Variants in TRMT10B observed in about 807,000 individuals in gnomAD.
The protein encoded by TRMT10B is tRNA methyltransferase 10B, also known as tRNA methyltransferase 10 homolog B.
In TRMT10B, 33 loss-of-function variants were observed where a neutral mutation model predicts 43.8. The ratio of observed to expected loss-of-function variants is 0.75; its 90% CI spans 0.57 to 1.01. The LOEUF (loss-of-function observed/expected upper bound fraction) is 1.01. Ranked by LOEUF, TRMT10B falls within the 50% of genes least tolerant of loss-of-function variation. The pLI, the probability that TRMT10B is intolerant of heterozygous loss-of-function variation, is 0.00. For synonymous variants in TRMT10B, 137 were observed against 130.6 expected, an observed-to-expected ratio of 1.05 and a Z score of -0.34; for missense variants, 362 against 369.8, an observed-to-expected ratio of 0.98 and a Z score of 0.17.
At chr9:37,754,218 C>T (rs763792573) in intron 1 of TRMT10B, among the ~76,000 whole-genome samples, 2 of 152,180 alleles carry the variant, frequency 1.3e-5, no homozygotes, top group Non-Finnish European at 2.9e-5. Flanking sequence ...CATCTATAAG[C>T]AAACAACACT....
intron 1 of TRMT10B, among the ~76,000 whole-genome samples, chr9:37,755,425 A>C (rs1026043555): frequency 1.3e-5 from 2 of 150,780 alleles, no homozygotes; most frequent in African/African-American, 2.4e-5. Context: ...TCCTATGTCC[A>C]AAAAAAAATG....
chr9:37,768,060 T>G lies in TRMT10B; in HGVS notation c.421-16T>G. 1 of 1,613,040 alleles carries G rather than the reference T, an allele frequency of 6.2e-7. No individual in the cohort carries two copies. The highest frequency in any genetic ancestry group is 8.5e-7 in the Non-Finnish European group (1 of 1,179,400). The stretch of plus-strand genomic sequence containing the variant: ...TTGGCATGTTTTTGCCCTGAGTTGT[T>G]CTTATTTCTTTGAAGGAATTAAGTA... On this transcript the variant is annotated splice_polypyrimidine_tract_variant and intron_variant, in intron 4 of 8. Transcript: ENST00000297994.
intron 8 of TRMT10B, among the ~76,000 whole-genome samples, chr9:37,777,135 G>C (rs1439642193): frequency 2.9e-5 from 4 of 138,074 alleles, no homozygotes. Flanking sequence ...TGCAGGTTGC[G>C]GTGAGCTGAG....
upstream of TRMT10B, among the ~76,000 whole-genome samples, chr9:37,753,326 TCTG>T (rs548744422): frequency 2.2e-4 from 33 of 152,324 alleles, no homozygotes; most frequent in Admixed American, 1.2e-3. Flanking sequence ...CTACAAAGAT[TCTG>T]TTGTGTCAGT....
At chr9:37,753,601 C>T (rs867263636), upstream of TRMT10B, among the ~76,000 whole-genome samples, 1 of 152,196 alleles carries the variant, frequency 6.6e-6, no homozygotes, top group East Asian at 1.9e-4. Flanking sequence ...GTTGTAATAG[C>T]TGTCCAGCAG....
intron 7 of TRMT10B, among the ~76,000 whole-genome samples, chr9:37,773,310 G>A (rs531025978): frequency 2.3e-4 from 34 of 149,856 alleles, no homozygotes; most frequent in Non-Finnish European, 3.7e-4. Flanking sequence ...TGTTAGAGAC[G>A]AAGTCTCTTG....
chr9:37,758,982 C>T (rs1006245852), intron 1 of TRMT10B, among the ~76,000 whole-genome samples: 5 of 152,058 alleles, frequency 3.3e-5, no homozygotes, highest in Non-Finnish European at 2.9e-5. Flanking sequence ...CAAAGGAGCC[C>T]CAGAAATCTG....
intron 7 of TRMT10B, among the ~76,000 whole-genome samples, chr9:37,771,191 TG>T (rs1827534933): frequency 1.3e-5 from 2 of 151,946 alleles, no homozygotes; most frequent in Non-Finnish European, 2.9e-5. Flanking sequence ...GGGGTGTCAC[TG>T]GAATTTTGAA....
At position 37,770,169 on chromosome 9, in the gene TRMT10B, A is replaced by G. The variant is rs1433006690; in HGVS notation, c.652+150A>G. 4.0e-6 allele frequency: 3 copies of G among 743,902 alleles called. No homozygotes were observed. The East Asian group carries it at 7.6e-5, about 19-fold the overall frequency. The allele number at this position is 743,902 out of a possible 1,614,324, so 46.1% of individuals were successfully genotyped here. A position where few individuals can be genotyped will look rare whatever the true frequency, so the allele number is the denominator to read the frequency against. On this transcript the variant is annotated intron_variant, in intron 6 of 8. Coordinates refer to ENST00000297994, the MANE Select transcript of TRMT10B (RefSeq NM_144964.4). ...CATGAGCAGTGCTCCTCTTACAGGC[A>G]GGGGCCTCACTGGATGCTTCGATGT...
At chr9:37,777,502 A>T in intron 8 of TRMT10B, 99 bp from the exon 9 acceptor site, 2 of 988,064 alleles carry the variant, frequency 2.0e-6, no homozygotes, top group South Asian at 2.8e-5. Context: ...TATGGTGCAG[A>T]ATAGGTTTGT....
intron 7 of TRMT10B, among the ~76,000 whole-genome samples, chr9:37,773,971 AAAAC>A (rs1020696690): frequency 5.3e-5 from 8 of 150,166 alleles, no homozygotes; most frequent in African/African-American, 1.7e-4. Flanking sequence ...AAAAAAAAAA[AAAAC>A]AACAATAATA....
chr9:37,759,120 C>T (rs1418923994), intron 1 of TRMT10B, among the ~76,000 whole-genome samples: 1 of 152,220 alleles, frequency 6.6e-6, no homozygotes, highest in Non-Finnish European at 1.5e-5. Context: ...CACACCTATG[C>T]TATGACCTAG....
In TRMT10B at chr9:37,768,192, G is replaced by C; in HGVS notation, c.537G>C (p.Glu179Asp). 1 of 1,614,072 alleles carries C rather than the reference G, an allele frequency of 6.2e-7. No homozygotes were observed. The highest frequency in any genetic ancestry group is 1.1e-5 in the South Asian group (1 of 91,070). Reference protein sequence around the residue: ...GFTTDSPLYEECVRMNDGFSS... With the variant: ...GFTTDSPLYEDCVRMNDGFSS... ...CAACAGACAGTCCCCTTTATGAAGAGTGTGTGAGGATGAATGATGGATTTT... is the reference window on the plus strand; with the variant it reads ...CAACAGACAGTCCCCTTTATGAAGACTGTGTGAGGATGAATGATGGATTTT... The change falls in exon 5 of 9, where the codon GAG (glutamate) becomes GAC (aspartate). Residue 179 changes from glutamate to aspartate, a missense_variant. Coordinates refer to ENST00000297994, the MANE Select transcript of TRMT10B (RefSeq NM_144964.4).
chr9:37,763,827 T>G, intron 4 of TRMT10B, 74 bp downstream of exon 4: 1 of 1,610,298 alleles, frequency 6.2e-7, no homozygotes, highest in Non-Finnish European at 8.5e-7. Flanking sequence ...TTCCGAAGAA[T>G]ATGGTCAACT....
At position 37,777,596 on chromosome 9, in the gene TRMT10B, AAC is replaced by A; in HGVS notation, c.845-3_845-2del. The A allele has an allele frequency of 6.2e-7, 1 of 1,607,394 alleles. No individual in the cohort carries two copies. The highest frequency in any genetic ancestry group is 2.2e-5 in the East Asian group (1 of 44,830). On this transcript the variant is annotated splice_region_variant and splice_polypyrimidine_tract_variant and intron_variant, in intron 8 of 8. Coordinates refer to ENST00000297994, the MANE Select transcript of TRMT10B (RefSeq NM_144964.4). ...TCACTGTGTTTTCTGTTTACTCTCT[AAC>A]AGTGTTTGATATCCTGTCCACTTAC...
chr9:37,768,456 T>C (rs1589032469), intron 5 of TRMT10B, among the ~76,000 whole-genome samples: 1 of 152,258 alleles, frequency 6.6e-6, no homozygotes, highest in East Asian at 1.9e-4. Flanking sequence ...CGTATATTTA[T>C]GCTAGACTGT....
At chr9:37,762,764 A>G in intron 3 of TRMT10B, 79 bp downstream of exon 3, 1 of 1,453,702 alleles carries the variant, frequency 6.9e-7, no homozygotes, top group South Asian at 1.4e-5. Flanking sequence ...GAGAGTAGGA[A>G]TTTTGTATAA....
In TRMT10B at chr9:37,777,121, G is replaced by A. The variant is rs549580099; in HGVS notation, c.845-480G>A. ...AGGCAAGAGAATTGCTTGAATCTGGGAGGTGCAGGTTGCGGTGAGCTGAGA... is the reference window on the plus strand; with the variant it reads ...AGGCAAGAGAATTGCTTGAATCTGGAAGGTGCAGGTTGCGGTGAGCTGAGA... On this transcript the variant is annotated intron_variant, in intron 8 of 8. Coordinates refer to ENST00000297994, the MANE Select transcript of TRMT10B (RefSeq NM_144964.4). 3.5e-5 allele frequency among the ~76,000 whole-genome samples: 5 copies of A among 142,330 alleles called. No homozygotes were observed. In the South Asian group the frequency reaches 1.1e-3, roughly 32 times the overall value. The allele number at this position is 142,330 out of a possible 152,430, so 93.4% of individuals were successfully genotyped here. A position where few individuals can be genotyped will look rare whatever the true frequency, so the allele number is the denominator to read the frequency against.
intron 7 of TRMT10B, among the ~76,000 whole-genome samples, chr9:37,774,202 G>C (rs115066596): frequency 6.6e-6 from 1 of 152,022 alleles, no homozygotes; most frequent in Non-Finnish European, 1.5e-5. Flanking sequence ...GGGTTTCACC[G>C]TATGGCCCAT....
Sources: gnomAD v4.1 joint callset for allele counts (sites outside exome capture counted in the v4.1 genomes callset) on GRCh38, gnomAD v4.1.1 for gene constraint, MANE v1.5 for transcripts, NCBI Gene and HGNC (gene_info 2026-07-23, HGNC 2026-07-21) for gene names.